Variants in NRXN3 observed in about 807,000 individuals in gnomAD.
NRXN3 encodes neurexin III.
NRXN3 carries 32 observed loss-of-function variants against 137.6 expected under a neutral mutation model. The ratio of observed to expected loss-of-function variants is 0.23; its 90% CI spans 0.18 to 0.31. The LOEUF (loss-of-function observed/expected upper bound fraction) is 0.31. Ranked by LOEUF, NRXN3 falls within the 10% of genes least tolerant of loss-of-function variation. NRXN3 has a pLI of 1.00. For synonymous variants in NRXN3, 798 were observed against 784.5 expected (o/e 1.02, Z -0.29); for missense variants, 1,574 against 2,062.5 (o/e 0.76, Z 4.59).
chr14:78,563,112 G>A (rs28538310), intron 4 of NRXN3, among the ~76,000 whole-genome samples: 23 of 152,242 alleles, frequency 1.5e-4, no homozygotes, highest in African/African-American at 5.3e-4. Context: ...CTTCTCACAG[G>A]ATGGCAACTG....
chr14:79,071,007 A>C (rs540240968), intron 15 of NRXN3, among the ~76,000 whole-genome samples: 2 of 152,072 alleles, frequency 1.3e-5, no homozygotes, highest in South Asian at 4.2e-4. Flanking sequence ...TTAGTGTCAA[A>C]CTCTTTTTAC....
At chr14:79,411,895 T>A (rs2153516003) in intron 15 of NRXN3, among the ~76,000 whole-genome samples, 1 of 152,312 alleles carries the variant, frequency 6.6e-6, no homozygotes, top group African/African-American at 2.4e-5. Flanking sequence ...AACGGATTTT[T>A]CTGAGTGCAT....
intron 15 of NRXN3, among the ~76,000 whole-genome samples, chr14:79,030,213 C>G (rs541552916): frequency 9.2e-5 from 14 of 151,682 alleles, no homozygotes; most frequent in Non-Finnish European, 1.9e-4. Context: ...TTCTTAGCCT[C>G]TACATAGTAG....
chr14:78,536,788 G>GTA (rs1312128325), intron 4 of NRXN3, among the ~76,000 whole-genome samples: 2 of 147,106 alleles, frequency 1.4e-5, no homozygotes, highest in Non-Finnish European at 3.0e-5. Context: ...CCCAGTGTGT[G>GTA]ATGTTCCCCG....
At chr14:78,206,756 T>G (rs1037529264) in intron 1 of NRXN3, among the ~76,000 whole-genome samples, 1 of 152,208 alleles carries the variant, frequency 6.6e-6, no homozygotes, top group African/African-American at 2.4e-5. Context: ...TTGGAGATTA[T>G]GGAGTCCAAA....
intron 10 of NRXN3, among the ~76,000 whole-genome samples, chr14:78,943,631 T>A (rs1190415376): frequency 0.05 from 823 of 16,418 alleles, 45 homozygotes; most frequent in African/African-American, 0.23. Context: ...AATATATATA[T>A]ATATATATAT....
intron 15 of NRXN3, among the ~76,000 whole-genome samples, chr14:79,322,053 G>A (rs190332924): frequency 6.6e-6 from 1 of 151,954 alleles, no homozygotes; most frequent in East Asian, 1.9e-4. Flanking sequence ...GGGCAACACA[G>A]CAAGATCCCA....
intron 15 of NRXN3, among the ~76,000 whole-genome samples, chr14:79,149,087 A>G (rs1351199819): frequency 6.6e-6 from 1 of 152,096 alleles, no homozygotes; most frequent in Admixed American, 6.6e-5. Flanking sequence ...ATGCACTACC[A>G]TTTTACAAGT....
At chr14:79,161,073 A>G (rs542585549) in intron 15 of NRXN3, among the ~76,000 whole-genome samples, 12 of 152,064 alleles carry the variant, frequency 7.9e-5, no homozygotes, top group Admixed American at 3.3e-4. Context: ...GTAACCTGGA[A>G]TGCTTACTAA....
chr14:78,284,559 T>C (rs1288762605), intron 3 of NRXN3, among the ~76,000 whole-genome samples: 1 of 152,240 alleles, frequency 6.6e-6, no homozygotes, highest in African/African-American at 2.4e-5. Flanking sequence ...GTTATCCATT[T>C]GATCCTTTAA....
chr14:78,665,222 T>C (rs1425746915), intron 6 of NRXN3, among the ~76,000 whole-genome samples: 1 of 152,190 alleles, frequency 6.6e-6, no homozygotes, highest in Non-Finnish European at 1.5e-5. Context: ...ACACTGCTAA[T>C]AAAGATATAC....
chr14:79,410,835 T>C lies in NRXN3; in HGVS notation c.3263-56386T>C, dbSNP rs75553433. ...CCTAGGTAATGCTGATACAATCTTA[T>C]GTTTTGAAGCTCGCCACAAAATTTG... On this transcript the variant is annotated intron_variant, in intron 15 of 20. Coordinates refer to ENST00000335750, the MANE Select transcript of NRXN3 (RefSeq NM_001330195.2). 9.4e-3 allele frequency among the ~76,000 whole-genome samples: 1,426 copies of C among 152,270 alleles called. 37 individuals are homozygous for C. The East Asian group carries it at 0.1, about 11-fold the overall frequency.
chr14:78,503,168 C>G (rs980376371), intron 4 of NRXN3, among the ~76,000 whole-genome samples: 1 of 152,100 alleles, frequency 6.6e-6, no homozygotes, highest in African/African-American at 2.4e-5. Context: ...GTAGCAAATC[C>G]TGGCACATTA....
chr14:78,279,339 TATATA>T (rs1188398814), intron 3 of NRXN3, among the ~76,000 whole-genome samples: 4 of 152,336 alleles, frequency 2.6e-5, no homozygotes, highest in Admixed American at 2.6e-4. Flanking sequence ...TATAGACAAA[TATATA>T]TGCACACACA....
chr14:78,442,199 A>G (rs1339618214), intron 4 of NRXN3, among the ~76,000 whole-genome samples: 1 of 151,668 alleles, frequency 6.6e-6, no homozygotes, highest in African/African-American at 2.4e-5. Context: ...CCTGGGAGGC[A>G]GACGTCACGG....
chr14:78,541,239 T>A (rs930779364), intron 4 of NRXN3, among the ~76,000 whole-genome samples: 5 of 152,222 alleles, frequency 3.3e-5, no homozygotes, highest in African/African-American at 1.2e-4. Flanking sequence ...TCCCCATCAC[T>A]TTCAGGGAAA....
intron 15 of NRXN3, among the ~76,000 whole-genome samples, chr14:79,316,792 T>A (rs930127187): frequency 3.0e-4 from 45 of 151,474 alleles, no homozygotes; most frequent in Non-Finnish European, 5.1e-4. Context: ...AGTAGTCCAT[T>A]GTTTAGAGGG....
At chr14:78,282,285 C>A (rs2074512455) in intron 3 of NRXN3, 1 of 409,954 alleles carries the variant, frequency 2.4e-6, no homozygotes, top group Non-Finnish European at 5.0e-6. Context: ...TCTCTGGAAG[C>A]CATTTGGAGG....
At chr14:78,871,610 T>C (rs1237234521) in intron 10 of NRXN3, among the ~76,000 whole-genome samples, 1 of 152,102 alleles carries the variant, frequency 6.6e-6, no homozygotes, top group Non-Finnish European at 1.5e-5. Context: ...ATTTGTATCC[T>C]TTGAATAGTT....
Sources: allele counts gnomAD v4.1 joint callset (sites outside exome capture counted in the v4.1 genomes callset), GRCh38; gene constraint gnomAD v4.1.1; transcripts MANE v1.5; gene names NCBI Gene and HGNC (gene_info 2026-07-23, HGNC 2026-07-21).